The following WSB2 variants were observed in gnomAD, a reference collection of about 807,000 sequenced individuals.
WSB2 encodes the protein WD repeat and SOCS box-containing protein 2.
Under a neutral mutation model 48.8 loss-of-function variants are expected in WSB2, and 12 were observed. The observed-to-expected ratio is 0.25, with a 90% CI of 0.16 to 0.40. The LOEUF (loss-of-function observed/expected upper bound fraction) is 0.40. WSB2 is among the 10% of genes least tolerant of loss of function. WSB2 has a pLI of 1.00. For missense variants in WSB2, 317 were observed against 506.2 expected (o/e 0.63, Z 3.59); for synonymous variants, 191 against 203.1 (o/e 0.94, Z 0.51).
At chr12:118,037,214 G>A (rs80173055) in intron 5 of WSB2, among the ~76,000 whole-genome samples, 1,965 of 151,854 alleles carry the variant, frequency 0.013, 39 homozygotes, top group African/African-American at 0.046. Context: ...TGAAATCTGC[G>A]GCCACCCCAC....
chr12:118,062,152 T>C (rs929097712), upstream of WSB2: 3 of 1,535,444 alleles, frequency 2.0e-6, no homozygotes, highest in African/African-American at 1.4e-5. Flanking sequence ...GCTCTCCCTG[T>C]CTACCCGCAT....
chr12:118,053,880 C>T (rs868647754), intron 1 of WSB2, among the ~76,000 whole-genome samples: 1 of 152,094 alleles, frequency 6.6e-6, no homozygotes, highest in African/African-American at 2.4e-5. Flanking sequence ...TTTTTAAAAC[C>T]CGTATTTCAT....
rs183000724 is a variant in WSB2, at chr12:118,048,463, G to A, written c.182+3847C>T. ...AAATTAGCTGAGTGTGGTGGCACAC[G>A]CCTGTAATCCCAGTTAGGAGGCTGA... On this transcript the variant is annotated intron_variant, in intron 2 of 8. Transcript: ENST00000315436. Among the ~76,000 whole-genome samples the A allele has an allele frequency of 4.1e-3, 622 of 151,842 alleles. 3 individuals are homozygous for A. Among genetic ancestry groups the A allele is most frequent in the Middle Eastern group, 0.01 (3 of 294 alleles).
intron 4 of WSB2, among the ~76,000 whole-genome samples, chr12:118,042,131 T>G (rs1422503543): frequency 1.3e-5 from 2 of 152,196 alleles, no homozygotes; most frequent in African/African-American, 4.8e-5. Context: ...CTGTATATAG[T>G]TTGCTCGAGG....
intron 1 of WSB2, among the ~76,000 whole-genome samples, chr12:118,056,715 A>T (rs972616351): frequency 1.3e-5 from 2 of 152,168 alleles, no homozygotes; most frequent in Non-Finnish European, 2.9e-5. Context: ...AGCCTGGCCA[A>T]CGTGGTGAAA....
chr12:118,038,462 G>A, intron 4 of WSB2, 74 bp from the exon 5 acceptor site: 1 of 1,418,256 alleles, frequency 7.1e-7, no homozygotes, highest in East Asian at 2.3e-5. Flanking sequence ...GAGAACTGGG[G>A]TGGTAACAGC....
intron 4 of WSB2, among the ~76,000 whole-genome samples, chr12:118,039,539 A>G (rs2031584184): frequency 6.6e-6 from 1 of 152,156 alleles, no homozygotes; most frequent in South Asian, 2.1e-4. Context: ...ATGGAAGGGT[A>G]TATACTCCTA....
At chr12:118,058,512 GC>G (rs2032003974) in intron 1 of WSB2, among the ~76,000 whole-genome samples, 1 of 151,400 alleles carries the variant, frequency 6.6e-6, no homozygotes, top group African/African-American at 2.4e-5. Flanking sequence ...CCATGCACGC[GC>G]CTATAGTTCG....
chr12:118,040,202 A>G (rs1006859388), intron 4 of WSB2, among the ~76,000 whole-genome samples: 2 of 152,040 alleles, frequency 1.3e-5, no homozygotes, highest in South Asian at 4.1e-4. Flanking sequence ...TGGTTTCTTC[A>G]GCTGTCAAAT....
At position 118,042,678 on chromosome 12, in the gene WSB2, G is replaced by A. The variant is rs150895939; in HGVS notation, c.559+163C>T. The A allele has an allele frequency of 8.4e-4, 860 of 1,028,370 alleles. 6 individuals carry two copies. The African/African-American group carries it at 0.011, about 14-fold the overall frequency. 63.7% of individuals were successfully genotyped at this position (1,028,370 alleles called of 1,614,324 possible). ...TTTGGTATAGTATTATCTTTGGGGC[G>A]GGCAGGGGCGATTAGGAAAAAACTG... On this transcript the variant is annotated intron_variant, in intron 4 of 8. Coordinates refer to ENST00000315436, the MANE Select transcript of WSB2 (RefSeq NM_018639.5).
chr12:118,035,464 G>T, intron 6 of WSB2, 140 bp from the exon 7 acceptor site: 1 of 698,696 alleles, frequency 1.4e-6, no homozygotes. Flanking sequence ...GGAAAAGCTT[G>T]GGATTTGCAC....
At chr12:118,057,235 T>A (rs1218327350) in intron 1 of WSB2, among the ~76,000 whole-genome samples, 1 of 151,830 alleles carries the variant, frequency 6.6e-6, no homozygotes, top group African/African-American at 2.4e-5. Flanking sequence ...TACTTGTAGA[T>A]CCTTCTTGGT....
chr12:118,047,634 GA>G (rs1451936886), intron 2 of WSB2, among the ~76,000 whole-genome samples: 4 of 152,166 alleles, frequency 2.6e-5, no homozygotes, highest in Non-Finnish European at 5.9e-5. Context: ...GATCACTTGA[GA>G]CAAGGAGTTC....
chr12:118,034,096 C>T lies in WSB2; in HGVS notation c.*100G>A. 6.8e-7 allele frequency: 1 copy of T among 1,469,380 alleles called. No individual in the cohort carries two copies. Among genetic ancestry groups the T allele is most frequent in the Non-Finnish European group, 9.4e-7 (1 of 1,064,564 alleles). The allele number at this position is 1,469,380 out of a possible 1,614,324, so 91.0% of individuals were successfully genotyped here. A position where few individuals can be genotyped will look rare whatever the true frequency, so the allele number is the denominator to read the frequency against. ...TTCTATTCACAATCCCAAAGAAATG[C>T]TATTTCAATGCAAGACCAGATGTTT... On this transcript the variant is annotated 3_prime_UTR_variant, in exon 9 of 9. Transcript: ENST00000315436.
chr12:118,043,347 T>G lies in WSB2; in HGVS notation c.213A>C (p.Arg71=), dbSNP rs2031680878. The G allele has an allele frequency of 1.3e-6, 2 of 1,584,140 alleles. No homozygotes were observed. The highest frequency in any genetic ancestry group is 2.7e-5 in the African/African-American group (2 of 73,826). ...FIPKGFEAKS[R]SSKNETKGRG... ...GCCCTTTCGTCTCATTTTTGCTACTTCGGCTTTTGGCTTCAAACCCTTTAG... is the reference window on the plus strand; with the variant it reads ...GCCCTTTCGTCTCATTTTTGCTACTGCGGCTTTTGGCTTCAAACCCTTTAG... The change falls in exon 3 of 9, where the codon CGA becomes CGC. Residue 71 remains arginine (R), a synonymous_variant. Coordinates refer to ENST00000315436, the MANE Select transcript of WSB2 (RefSeq NM_018639.5).
chr12:118,046,556 A>G (rs1400129971), intron 2 of WSB2, among the ~76,000 whole-genome samples: 1 of 152,040 alleles, frequency 6.6e-6, no homozygotes, highest in Non-Finnish European at 1.5e-5. Context: ...CTGGCCAAAC[A>G]ATCTGAATGT....
rs574296014 is a variant in WSB2, at chr12:118,044,532, A to G, written c.183-1155T>C. Among the ~76,000 whole-genome samples the G allele has an allele frequency of 5.3e-5, 8 of 152,272 alleles. 1 individual carries two copies. The South Asian group carries it at 1.5e-3, about 28-fold the overall frequency. ...AATGAGGCTCCTTCATTTACTTCCT[A>G]ACTGATGGTAACCCGCACAAGGATC... On this transcript the variant is annotated intron_variant, in intron 2 of 8. Transcript: ENST00000315436.
At chr12:118,061,390 CA>C (rs2032063619), upstream of WSB2, among the ~76,000 whole-genome samples, 1 of 15,232 alleles carries the variant, frequency 6.6e-5, no homozygotes, top group East Asian at 1.2e-3. Flanking sequence ...AAAAATGGGG[CA>C]GGGGTGGGGG....
rs746810951 is a variant in WSB2 at position 118,035,012 on chromosome 12, A to G, written c.1026T>C (p.Phe342=). 6.2e-6 allele frequency: 10 copies of G among 1,614,196 alleles called. No individual in the cohort carries two copies. The stretch of plus-strand genomic sequence containing the variant: ...CTGTGGCAATGACTCCACCATGTGG[A>G]AAAAATGTGCAGCAAAGCCCATTGG... ...PMTNGLCCTF[F]PHGGVIATGT... Residue 342 remains phenylalanine (F), a synonymous_variant, in exon 8 of 9, where the codon TTT becomes TTC. Coordinates refer to ENST00000315436, the MANE Select transcript of WSB2 (RefSeq NM_018639.5).
Sources: gnomAD v4.1 joint callset for allele counts (sites outside exome capture counted in the v4.1 genomes callset) on GRCh38, gnomAD v4.1.1 for gene constraint, MANE v1.5 for transcripts, NCBI Gene and HGNC (gene_info 2026-07-23, HGNC 2026-07-21) for gene names.